The following DDX56 variants were observed in gnomAD, a reference collection of about 807,000 sequenced individuals.
DDX56 encodes probable ATP-dependent RNA helicase DDX56.
In DDX56, 45 loss-of-function variants were observed where a neutral mutation model predicts 61.5. The ratio of observed to expected loss-of-function variants is 0.73; its 90% CI spans 0.58 to 0.94. DDX56 has a LOEUF of 0.94. DDX56 is among the 40% of genes least tolerant of loss of function. DDX56 has a pLI of 0.00. For synonymous variants in DDX56, 273 were observed against 268.3 expected (o/e 1.02, Z -0.17); for missense variants, 708 against 690.7 (o/e 1.02, Z -0.28).
intron 7 of DDX56, among the ~76,000 whole-genome samples, chr7:44,570,349 C>A (rs1044468923): frequency 6.6e-6 from 1 of 152,206 alleles, no homozygotes; most frequent in African/African-American, 2.4e-5. Context: ...TCTGGGACAA[C>A]AGCAGAACTC....
intron 2 of DDX56, 35 bp downstream of exon 2, chr7:44,573,548 G>C (rs753043254): frequency 1.3e-5 from 21 of 1,603,202 alleles, no homozygotes; most frequent in Non-Finnish European, 1.8e-5. Context: ...TTTGGAGCTT[G>C]CCTCCTTCCT....
At chr7:44,573,186 G>A (rs1802725145) in intron 2 of DDX56, 136 bp from the exon 3 acceptor site, 1 of 754,326 alleles carries the variant, frequency 1.3e-6, no homozygotes, top group Non-Finnish European at 2.0e-6. Flanking sequence ...CACTCTGCCC[G>A]CCTCAGAATG....
rs751082492 is a variant in DDX56 at position 44,568,229 on chromosome 7, G to T, written c.1384-6C>A. On this transcript the variant is annotated splice_polypyrimidine_tract_variant and splice_region_variant and intron_variant, in intron 11 of 13. Coordinates refer to ENST00000258772, the MANE Select transcript of DDX56 (RefSeq NM_019082.4). ...GGGTTGTCTTCAAAGTATGTCTGCC[G>T]GGGGAAGAGGGAGAGCCACAGAGTG... 6.3e-7 allele frequency: 1 copy of T among 1,597,592 alleles called. No homozygotes were observed. Among genetic ancestry groups the T allele is most frequent in the Admixed American group, 1.7e-5 (1 of 58,930 alleles).
chr7:44,569,779 G>T, intron 9 of DDX56, 30 bp downstream of exon 9: 1 of 1,570,302 alleles, frequency 6.4e-7, no homozygotes, highest in East Asian at 2.3e-5. Context: ...GCCTGACCCT[G>T]GCCCAGGACC....
intron 5 of DDX56, among the ~76,000 whole-genome samples, chr7:44,571,959 A>G (rs966244082): frequency 1.3e-5 from 2 of 152,200 alleles, no homozygotes; most frequent in African/African-American, 4.8e-5. Context: ...AAATACTTCC[A>G]AGCACAGAAC....
chr7:44,569,916 A>G lies in DDX56; in HGVS notation c.1125-13T>C, dbSNP rs745648423. ...AGCGCGTGCTGTCCTGCAAGGGAAG[A>G]CAGTGCAGCTTGCATCTCCAACCCG... On this transcript the variant is annotated splice_polypyrimidine_tract_variant and intron_variant, in intron 8 of 13. Coordinates refer to ENST00000258772, the MANE Select transcript of DDX56 (RefSeq NM_019082.4). The G allele has an allele frequency of 1.2e-6, 2 of 1,611,420 alleles. No individual in the cohort carries two copies. Among genetic ancestry groups the G allele is most frequent in the Admixed American group, 3.4e-5 (2 of 59,676 alleles).
At position 44,573,867 on chromosome 7, in the gene DDX56, T is replaced by C; in HGVS notation, c.29A>G (p.Glu10Gly). 2 of 1,613,300 alleles carry C rather than the reference T, an allele frequency of 1.2e-6. No individual in the cohort carries two copies. Among genetic ancestry groups the C allele is most frequent in the Non-Finnish European group, 1.7e-6 (2 of 1,179,998 alleles). The change falls in exon 1 of 14, where the codon GAA (glutamate) becomes GGA (glycine). Residue 10 changes from glutamate (E) to glycine (G), a missense_variant. Transcript: ENST00000258772. Reference protein sequence around the residue: MEDSEALGFEHMGLDPRLLQ... With the variant: MEDSEALGFGHMGLDPRLLQ... ...GAGCCGGGGATCGAGGCCCATGTGT[T>C]CGAAGCCCAGTGCTTCAGAGTCCTC... is the stretch of plus-strand genomic sequence containing the variant.
chr7:44,573,096 T>C (rs377300066), intron 2 of DDX56, 46 bp from the exon 3 acceptor site: 2 of 1,507,178 alleles, frequency 1.3e-6, no homozygotes, highest in Non-Finnish European at 1.8e-6. Context: ...TGCACATCAC[T>C]GTGTCCACGT....
In DDX56 at chr7:44,565,837, G is replaced by A; in HGVS notation, c.*165C>T. On this transcript the variant is annotated 3_prime_UTR_variant, in exon 14 of 14. Transcript: ENST00000258772. ...CTAAAATTTTTATTCTGTTGTCAAG[G>A]GGCAAGATGCCAGCTTGGAAGTGCC... is the stretch of plus-strand genomic sequence containing the variant. 1.6e-6 allele frequency: 1 copy of A among 638,870 alleles called. No homozygotes were observed. Among genetic ancestry groups the A allele is most frequent in the South Asian group, 1.8e-5 (1 of 56,682 alleles). The allele number at this position is 638,870 out of a possible 1,614,324, so 39.6% of individuals were successfully genotyped here.
At position 44,568,876 on chromosome 7, in the gene DDX56, T is replaced by G. The variant is rs752340558; in HGVS notation, c.1383+27A>C. ...AAAAAGGGCAGCCGTCTAAGATCTA[T>G]CCCCTTCTCACCTCCCATCCACTCA... is the stretch of plus-strand genomic sequence containing the variant. On this transcript the variant is annotated intron_variant, in intron 11 of 13. Coordinates refer to ENST00000258772, the MANE Select transcript of DDX56 (RefSeq NM_019082.4). The G allele has an allele frequency of 3.0e-5, 47 of 1,574,458 alleles. No individual in the cohort carries two copies. The East Asian group carries it at 9.4e-4, about 32-fold the overall frequency.
rs746108829 is a variant in DDX56 at position 44,572,959 on chromosome 7, A to G, written c.314T>C (p.Leu105Pro). The change falls in exon 3 of 14, where the codon CTG becomes CCG. Residue 105 changes from leucine (L) to proline (P), a missense_variant. By Grantham distance (98) the Leu-to-Pro change is moderately conservative. Transcript: ENST00000258772. ...ARQAQSMIQQ[L>P]ATYCARDVRV... ...GACATCCCGAGCACAGTAGGTAGCC[A>G]GCTGCTGAATCATGGACTGTGCTTG... The G allele has an allele frequency of 1.2e-6, 2 of 1,613,386 alleles. No homozygotes were observed. Among genetic ancestry groups the G allele is most frequent in the South Asian group, 2.2e-5 (2 of 90,990 alleles).
chr7:44,572,883 T>A lies in DDX56; in HGVS notation c.383+7A>T. 1.3e-6 allele frequency: 2 copies of A among 1,584,892 alleles called. No individual in the cohort carries two copies. Among genetic ancestry groups the A allele is most frequent in the South Asian group, 1.1e-5 (1 of 87,124 alleles). ...CATTCAGGTACAGCTTTGCTGCTTT[T>A]ACCCACCTCTGAGAGACTGAGTCTT... On this transcript the variant is annotated splice_region_variant and intron_variant, in intron 3 of 13. Transcript: ENST00000258772.
Position 44,568,287 on chromosome 7 carries a change from C to T in DDX56, c.1384-64G>A, listed in dbSNP as rs910020581. On this transcript the variant is annotated intron_variant, in intron 11 of 13. Transcript: ENST00000258772. ...TTCTTCTGTGACTTCACAGACCTAG[C>T]TTTTCAAAGGATAACACACTCATGT... The T allele has an allele frequency of 8.3e-6, 10 of 1,210,864 alleles. No individual in the cohort carries two copies. The African/African-American group carries it at 1.4e-4, about 16-fold the overall frequency. 75.0% of individuals were successfully genotyped at this position (1,210,864 alleles called of 1,614,324 possible). A position where few individuals can be genotyped will look rare whatever the true frequency, so the allele number is the denominator to read the frequency against.
chr7:44,572,236 T>G, intron 5 of DDX56, 111 bp downstream of exon 5: 1 of 855,326 alleles, frequency 1.2e-6, no homozygotes, highest in Admixed American at 2.3e-5. Context: ...GATGAGACAC[T>G]AAGTGACAAC....
rs76437461 is a variant in DDX56, at chr7:44,569,186, G to A, written c.1237C>T (p.Leu413=). The change falls in exon 10 of 14, where the codon CTG becomes TTG. Residue 413 remains leucine, a synonymous_variant. Coordinates refer to ENST00000258772, the MANE Select transcript of DDX56 (RefSeq NM_019082.4). ...TCCATCCGGAACTGGTAGGGGAGCA[G>A]AATGGGGCCCCTGTTCTCTGTGGAG... is the stretch of plus-strand genomic sequence containing the variant. ...LLSGENRGPI[L]LPYQFRMEEI... 8,702 of 1,613,972 alleles carry A rather than the reference G, an allele frequency of 5.4e-3. 129 individuals carry two copies. The highest frequency in any genetic ancestry group is 0.047 in the African/African-American group (3,494 of 75,044).
At chr7:44,567,351 G>A (rs1033812650) in intron 12 of DDX56, among the ~76,000 whole-genome samples, 4 of 152,160 alleles carry the variant, frequency 2.6e-5, no homozygotes, top group Non-Finnish European at 5.9e-5. Context: ...CAGACCCTGT[G>A]GCATTGGGAA....
intron 6 of DDX56, 97 bp downstream of exon 6, chr7:44,571,395 G>A: frequency 3.5e-6 from 5 of 1,424,900 alleles, no homozygotes; most frequent in South Asian, 2.5e-5. Context: ...TCTAGAACCT[G>A]GCCCCTACTA....
intron 7 of DDX56, 63 bp from the exon 8 acceptor site, chr7:44,570,191 G>T: frequency 6.3e-7 from 1 of 1,579,222 alleles, no homozygotes; most frequent in South Asian, 1.1e-5. Flanking sequence ...TTCACACGCT[G>T]AATCAGCAAA....
intron 7 of DDX56, 132 bp downstream of exon 7, chr7:44,570,626 C>T: frequency 8.2e-7 from 1 of 1,225,708 alleles, no homozygotes; most frequent in Non-Finnish European, 1.1e-6. Flanking sequence ...ACCTGTGGGG[C>T]TCTCTGGGCT....
Sources: allele counts gnomAD v4.1 joint callset (sites outside exome capture counted in the v4.1 genomes callset), GRCh38; gene constraint gnomAD v4.1.1; transcripts MANE v1.5; gene names NCBI Gene and HGNC (gene_info 2026-07-23, HGNC 2026-07-21).